Variants in RFTN1 observed in about 807,000 individuals in gnomAD.
RFTN1 encodes raftlin.
In RFTN1, 26 loss-of-function variants were observed where a neutral mutation model predicts 46.5. The ratio of observed to expected loss-of-function variants is 0.56; its 90% CI spans 0.41 to 0.78. RFTN1 has a LOEUF of 0.78. Among genes scored for constraint, RFTN1 ranks in the 30% least tolerant of loss-of-function variants. RFTN1 has a pLI of 0.00. For synonymous variants in RFTN1, 261 were observed against 284.2 expected, an observed-to-expected ratio of 0.92 and a Z score of 0.82; for missense variants, 693 against 718.7, an observed-to-expected ratio of 0.96 and a Z score of 0.41.
intron 7 of RFTN1, among the ~76,000 whole-genome samples, chr3:16,343,098 G>A (rs1463578552): frequency 2.6e-5 from 4 of 152,136 alleles, no homozygotes; most frequent in African/African-American, 9.7e-5. Flanking sequence ...TCCCACTTCA[G>A]CCTCCCAAAG....
intron 4 of RFTN1, among the ~76,000 whole-genome samples, chr3:16,399,936 C>T (rs2074560956): frequency 6.6e-6 from 1 of 152,174 alleles, no homozygotes; most frequent in South Asian, 2.1e-4. Flanking sequence ...AGACGCTCCA[C>T]CTAAACTAAG....
intron 4 of RFTN1, among the ~76,000 whole-genome samples, chr3:16,392,593 TATATA>T (rs1391386393): frequency 1.4e-5 from 2 of 147,250 alleles, no homozygotes; most frequent in Non-Finnish European, 3.0e-5. Context: ...ATATTACATC[TATATA>T]AAAGTATATA....
intron 3 of RFTN1, among the ~76,000 whole-genome samples, chr3:16,430,776 CT>C (rs1025834511): frequency 2.6e-5 from 4 of 152,196 alleles, no homozygotes; most frequent in African/African-American, 9.7e-5. Flanking sequence ...TTCAGGAACT[CT>C]GGATGAAAGT....
intron 2 of RFTN1, chr3:16,482,899 C>G: frequency 6.9e-7 from 1 of 1,453,758 alleles, no homozygotes; most frequent in South Asian, 1.2e-5. Context: ...CTTAAATTTG[C>G]GGAAATATAG....
intron 2 of RFTN1, chr3:16,472,653 T>C (rs921871283): frequency 1.3e-5 from 2 of 152,196 alleles, no homozygotes; most frequent in African/African-American, 4.8e-5. Context: ...ATATGCGGAA[T>C]CTTGGCAAGG....
At chr3:16,476,859 C>T (rs1471338352) in intron 2 of RFTN1, among the ~76,000 whole-genome samples, 1 of 152,186 alleles carries the variant, frequency 6.6e-6, no homozygotes, top group East Asian at 1.9e-4. Context: ...TTTCAATTTA[C>T]ATTGCAAGCC....
At chr3:16,482,904 A>G in intron 2 of RFTN1, 1 of 1,412,062 alleles carries the variant, frequency 7.1e-7, no homozygotes, top group South Asian at 1.3e-5. Flanking sequence ...ATTTGCGGAA[A>G]TATAGAAAGT....
In RFTN1 at chr3:16,398,174, G is replaced by A. The variant is rs564811013; in HGVS notation, c.441+11201C>T. 8.6e-5 allele frequency among the ~76,000 whole-genome samples: 13 copies of A among 150,558 alleles called. No homozygotes were observed. In the East Asian group the frequency reaches 2.4e-3, roughly 27 times the overall value. ...AGGCAGGAGAATGGCTTGAACCCGG[G>A]AGGTGGAGGTTGCAGTAAGCCGAGA... On this transcript the variant is annotated intron_variant, in intron 4 of 9. Coordinates refer to ENST00000334133, the MANE Select transcript of RFTN1 (RefSeq NM_015150.2).
intron 2 of RFTN1, among the ~76,000 whole-genome samples, chr3:16,467,691 AG>A (rs1379695601): frequency 6.6e-6 from 1 of 152,246 alleles, no homozygotes; most frequent in Non-Finnish European, 1.5e-5. Flanking sequence ...AGATGCAAAA[AG>A]CCAACGGCAG....
At chr3:16,343,550 A>T (rs2071449023) in intron 7 of RFTN1, among the ~76,000 whole-genome samples, 1 of 152,132 alleles carries the variant, frequency 6.6e-6, no homozygotes, top group African/African-American at 2.4e-5. Flanking sequence ...GATGTTTCTC[A>T]TCAAATATGG....
chr3:16,438,663 C>T (rs995727420), intron 2 of RFTN1, among the ~76,000 whole-genome samples: 3 of 149,556 alleles, frequency 2.0e-5, no homozygotes, highest in East Asian at 2.0e-4. Context: ...TGCCTGCTAA[C>T]CCCAGTCATG....
chr3:16,484,294 C>A lies in RFTN1; in HGVS notation c.145+9431G>T, dbSNP rs1234736686. Among the ~76,000 whole-genome samples, 1 of 152,136 alleles carries A rather than the reference C, an allele frequency of 6.6e-6. No individual in the cohort carries two copies. Among genetic ancestry groups the A allele is most frequent in the Non-Finnish European group, 1.5e-5 (1 of 68,020 alleles). On this transcript the variant is annotated intron_variant, in intron 2 of 9. Coordinates refer to ENST00000334133, the MANE Select transcript of RFTN1 (RefSeq NM_015150.2). This position sits in a 1 kb window ranked among gnomAD's most constrained non-coding sequence, Gnocchi z 4.6. The stretch of plus-strand genomic sequence containing the variant: ...GTAGTTGTGTGTCAGACTAACACCC[C>A]CCAGACTGGAGGTCAAAGAAAAACT...
chr3:16,348,369 A>AG lies in RFTN1; in HGVS notation c.1146+9562_1146+9563insC, dbSNP rs1003339892. Among the ~76,000 whole-genome samples, 10 of 152,206 alleles carry AG rather than the reference A, an allele frequency of 6.6e-5. No individual in the cohort carries two copies. Among genetic ancestry groups the AG allele is most frequent in the African/African-American group, 2.2e-4 (9 of 41,526 alleles). On this transcript the variant is annotated intron_variant, in intron 7 of 9. Coordinates refer to ENST00000334133, the MANE Select transcript of RFTN1 (RefSeq NM_015150.2). This position sits in a 1 kb window ranked among gnomAD's most constrained non-coding sequence, Gnocchi z 6.3. Reference sequence around the variant, plus strand: ...CCAATATGTGTTCTAATTATAAAAAAAAATTAATAGATGTGCCTTCTCTTC... The same window carrying AG: ...CCAATATGTGTTCTAATTATAAAAAAGAAATTAATAGATGTGCCTTCTCTTC...
intron 5 of RFTN1, among the ~76,000 whole-genome samples, chr3:16,377,463 C>T (rs2073819796): frequency 6.6e-6 from 1 of 152,172 alleles, no homozygotes; most frequent in Non-Finnish European, 1.5e-5. Context: ...AGTCTAGAAT[C>T]CACTTCAAAC....
intron 1 of RFTN1, among the ~76,000 whole-genome samples, chr3:16,501,377 C>T (rs141499446): frequency 7.2e-5 from 11 of 152,274 alleles, no homozygotes; most frequent in Admixed American, 1.3e-4. Flanking sequence ...TCAGCTATAA[C>T]GTAGAAAAGG....
At chr3:16,318,436 G>T (rs1456251783) in intron 9 of RFTN1, among the ~76,000 whole-genome samples, 1 of 152,172 alleles carries the variant, frequency 6.6e-6, no homozygotes, top group Non-Finnish European at 1.5e-5. Flanking sequence ...AGTGGGAAAT[G>T]ATTTCTTAAG....
chr3:16,392,371 A>C (rs2074372476), intron 4 of RFTN1, among the ~76,000 whole-genome samples: 1 of 152,096 alleles, frequency 6.6e-6, no homozygotes, highest in African/African-American at 2.4e-5. Flanking sequence ...CTCACATGCC[A>C]TGAGGTTAGT....
At chr3:16,401,321 TAA>T (rs56312811) in intron 4 of RFTN1, among the ~76,000 whole-genome samples, 17,535 of 145,252 alleles carry the variant, frequency 0.12, 1,289 homozygotes, top group Middle Eastern at 0.2. Context: ...GAAGCCGTGT[TAA>T]AAAAAAAAAA....
chr3:16,487,180 C>G (rs2076461185), intron 2 of RFTN1, among the ~76,000 whole-genome samples: 1 of 152,228 alleles, frequency 6.6e-6, no homozygotes, highest in African/African-American at 2.4e-5. Flanking sequence ...GCAGCCCGAG[C>G]TGACTAAGGC....
Sources: gnomAD v4.1 joint callset for allele counts (sites outside exome capture counted in the v4.1 genomes callset) on GRCh38, gnomAD v4.1.1 for gene constraint, Gnocchi (gnomAD v3.1) non-coding constraint, MANE v1.5 for transcripts, NCBI Gene and HGNC (gene_info 2026-07-23, HGNC 2026-07-21) for gene names.